Variants in NRXN1 observed in about 807,000 individuals in gnomAD.
NRXN1 encodes neurexin 1.
A neutral mutation model predicts 150.9 loss-of-function variants in NRXN1; 39 were observed. That is an observed-to-expected ratio of 0.26 (90% CI 0.20 to 0.34). NRXN1 has a LOEUF of 0.34. Among genes scored for constraint, NRXN1 ranks in the 10% least tolerant of loss-of-function variants. The pLI, the probability that NRXN1 is intolerant of heterozygous loss-of-function variation, is 1.00. For missense variants in NRXN1, 1,815 were observed against 1,949.9 expected, an observed-to-expected ratio of 0.93 and a Z score of 1.30; for synonymous variants, 924 against 757.0, an observed-to-expected ratio of 1.22 and a Z score of -3.62.
chr2:50,328,716 A>G (rs1267717330), intron 17 of NRXN1, among the ~76,000 whole-genome samples: 1 of 152,216 alleles, frequency 6.6e-6, no homozygotes, highest in Non-Finnish European at 1.5e-5. Context: ...AGCCCAGGCA[A>G]CAGAGTGAGA....
intron 17 of NRXN1, among the ~76,000 whole-genome samples, chr2:50,245,189 C>A (rs2066383609): frequency 6.6e-6 from 1 of 151,926 alleles, no homozygotes; most frequent in Admixed American, 6.6e-5. Flanking sequence ...GAGAGACAAA[C>A]TTGTTTTGAG....
chr2:50,273,742 T>C (rs903022096), intron 17 of NRXN1, among the ~76,000 whole-genome samples: 1 of 152,056 alleles, frequency 6.6e-6, no homozygotes, highest in African/African-American at 2.4e-5. Flanking sequence ...TAAAAGAGAT[T>C]ATTATTTATG....
intron 19 of NRXN1, among the ~76,000 whole-genome samples, chr2:50,068,700 T>G (rs1695744207): frequency 6.6e-6 from 1 of 152,230 alleles, no homozygotes; most frequent in African/African-American, 2.4e-5. Context: ...ATTGTAGTCA[T>G]GTCATTGTTT....
At chr2:50,971,178 T>C (rs761979724) in intron 2 of NRXN1, among the ~76,000 whole-genome samples, 11 of 152,116 alleles carry the variant, frequency 7.2e-5, no homozygotes, top group Non-Finnish European at 1.6e-4. Flanking sequence ...AATATTCACC[T>C]CCCAAATTAG....
chr2:50,081,730 C>T (rs1558836019), intron 19 of NRXN1, among the ~76,000 whole-genome samples: 3 of 152,060 alleles, frequency 2.0e-5, no homozygotes, highest in Admixed American at 1.3e-4. Context: ...GTTCATCATA[C>T]ACCAAAATAC....
At chr2:50,798,459 C>A (rs533857371) in intron 5 of NRXN1, among the ~76,000 whole-genome samples, 1 of 152,098 alleles carries the variant, frequency 6.6e-6, no homozygotes, top group Non-Finnish European at 1.5e-5. Flanking sequence ...ATATGTGTAT[C>A]TCTGATTCAG....
rs140410654 is a variant in NRXN1 at position 50,393,246 on chromosome 2, C to T, written c.3364+72196G>A. ...CAATTTATTTCTTTAACATCCAAAG[C>T]GCTAAACATTACGTCTGTTTTTCTT... On this transcript the variant is annotated intron_variant, in intron 17 of 22. Transcript: ENST00000401669. Among the ~76,000 whole-genome samples, 103 of 152,098 alleles carry T rather than the reference C, an allele frequency of 6.8e-4. 1 individual carries two copies. The East Asian group carries it at 0.012, about 18-fold the overall frequency.
chr2:50,055,278 A>G (rs1226678446), intron 19 of NRXN1, among the ~76,000 whole-genome samples: 1 of 152,204 alleles, frequency 6.6e-6, no homozygotes, highest in Non-Finnish European at 1.5e-5. Flanking sequence ...CATTTGAGCT[A>G]GGTTATTAAA....
intron 21 of NRXN1, among the ~76,000 whole-genome samples, chr2:50,027,355 T>C (rs1320338720): frequency 1.4e-5 from 2 of 139,630 alleles, no homozygotes; most frequent in Non-Finnish European, 3.1e-5. Context: ...GTTCCCTTCC[T>C]TCCTTCGTTG....
intron 10 of NRXN1, among the ~76,000 whole-genome samples, chr2:50,534,741 CTTTA>C (rs1019917683): frequency 3.3e-5 from 5 of 152,140 alleles, no homozygotes; most frequent in African/African-American, 4.8e-5. Flanking sequence ...GTTTTCTCTT[CTTTA>C]TTTAATCTCT....
intron 15 of NRXN1, among the ~76,000 whole-genome samples, chr2:50,479,147 T>C (rs137885958): frequency 5.0e-4 from 76 of 152,364 alleles, no homozygotes; most frequent in African/African-American, 1.7e-3. Flanking sequence ...CTTTGAACTA[T>C]CTTTCAAAAA....
intron 18 of NRXN1, among the ~76,000 whole-genome samples, chr2:50,219,213 A>T (rs535036720): frequency 6.6e-6 from 1 of 152,188 alleles, no homozygotes; most frequent in African/African-American, 2.4e-5. Context: ...TTACCCTAGA[A>T]TTCTATGAAG....
chr2:50,714,987 G>T (rs1439021882), intron 5 of NRXN1, among the ~76,000 whole-genome samples: 1 of 152,082 alleles, frequency 6.6e-6, no homozygotes, highest in Non-Finnish European at 1.5e-5. Context: ...CAAAGAATGT[G>T]ACCCATAACA....
intron 18 of NRXN1, among the ~76,000 whole-genome samples, chr2:50,146,948 C>G (rs1308331447): frequency 6.6e-6 from 1 of 151,704 alleles, no homozygotes; most frequent in Non-Finnish European, 1.5e-5. Flanking sequence ...CACATTACCA[C>G]TTCATGTTGT....
At chr2:50,075,352 G>A (rs917011095) in intron 19 of NRXN1, among the ~76,000 whole-genome samples, 2 of 152,168 alleles carry the variant, frequency 1.3e-5, no homozygotes, top group African/African-American at 2.4e-5. Context: ...GGAGACTGGG[G>A]AGGAATATTT....
intron 21 of NRXN1, among the ~76,000 whole-genome samples, chr2:49,981,911 T>G (rs1046339875): frequency 6.6e-6 from 1 of 152,136 alleles, no homozygotes; most frequent in African/African-American, 2.4e-5. Context: ...GGGTGCTTAT[T>G]AAAAATGCAA....
At chr2:50,054,411 A>C (rs974501309) in intron 20 of NRXN1, among the ~76,000 whole-genome samples, 1 of 152,198 alleles carries the variant, frequency 6.6e-6, no homozygotes, top group African/African-American at 2.4e-5. Context: ...TCATAAAAGC[A>C]TGCACACAAC....
intron 17 of NRXN1, among the ~76,000 whole-genome samples, chr2:50,451,953 T>C (rs986538828): frequency 1.3e-5 from 2 of 152,202 alleles, no homozygotes; most frequent in Non-Finnish European, 2.9e-5. Context: ...TTTTTAATTA[T>C]GAAAAAGCAT....
intron 17 of NRXN1, among the ~76,000 whole-genome samples, chr2:50,390,950 C>T (rs1038102881): frequency 4.6e-5 from 7 of 152,078 alleles, no homozygotes; most frequent in African/African-American, 1.7e-4. Flanking sequence ...TATTTCACAA[C>T]CTAGAAGAGC....
Sources: gnomAD v4.1 joint callset for allele counts (sites outside exome capture counted in the v4.1 genomes callset) on GRCh38, gnomAD v4.1.1 for gene constraint, MANE v1.5 for transcripts, NCBI Gene and HGNC (gene_info 2026-07-23, HGNC 2026-07-21) for gene names.